Variants in SPATA17 observed in about 807,000 individuals in gnomAD.
SPATA17 encodes spermatogenesis-associated protein 17.
In SPATA17, 53 loss-of-function variants were observed where a neutral mutation model predicts 62.2. The observed-to-expected ratio is 0.85, with a 90% CI of 0.68 to 1.07. The LOEUF is 1.07. Ranked by LOEUF, SPATA17 falls within the 50% of genes least tolerant of loss-of-function variation. The probability of loss-of-function intolerance (pLI) is 0.00; values close to 1 mark genes in which losing one functional copy is unlikely to be tolerated. For missense variants in SPATA17, 466 were observed against 425.5 expected (o/e 1.10, Z -0.84); for synonymous variants, 146 against 146.8 (o/e 0.99, Z 0.04).
chr1:217,820,343 TGGAGAAGAGACAAG>T (rs1674829099), intron 9 of SPATA17, among the ~76,000 whole-genome samples: 3 of 152,048 alleles, frequency 2.0e-5, no homozygotes, highest in Non-Finnish European at 4.4e-5. Context: ...CCAGAATGAA[TGGAGAAGAGACAAG>T]TTTGTGAGCA....
chr1:217,800,815 G>A (rs540654399), intron 8 of SPATA17, among the ~76,000 whole-genome samples: 33 of 151,940 alleles, frequency 2.2e-4, no homozygotes, highest in Non-Finnish European at 4.6e-4. Flanking sequence ...CTTATTTTCT[G>A]TCCTATTTCT....
In SPATA17 at chr1:217,704,196, G is replaced by GT. The variant is rs200460576; in HGVS notation, c.395+20842dup. Among the ~76,000 whole-genome samples the GT allele has an allele frequency of 2.5e-3, 293 of 115,354 alleles. 1 individual carries two copies. The East Asian group carries it at 0.03, about 12-fold the overall frequency. 75.7% of individuals were successfully genotyped at this position (115,354 alleles called of 152,430 possible). A position where few individuals can be genotyped will look rare whatever the true frequency, so the allele number is the denominator to read the frequency against. On this transcript the variant is annotated intron_variant, in intron 5 of 10. Coordinates refer to ENST00000366933, the MANE Select transcript of SPATA17 (RefSeq NM_138796.4). The stretch of plus-strand genomic sequence containing the variant: ...GATAAGTATAGCACCCAACGGGTAG[G>GT]TTTTTTTATCCTAACTCTCCTCCTT...
At chr1:217,686,205 A>T (rs1200752262) in intron 5 of SPATA17, among the ~76,000 whole-genome samples, 1 of 151,998 alleles carries the variant, frequency 6.6e-6, no homozygotes, top group African/African-American at 2.4e-5. Context: ...TGATATGGGG[A>T]TTACTAGTCT....
chr1:217,640,162 T>C (rs138009099), intron 1 of SPATA17, among the ~76,000 whole-genome samples: 77 of 151,888 alleles, frequency 5.1e-4, no homozygotes, highest in African/African-American at 1.5e-3. Context: ...TTGTGTGAGA[T>C]AGAGGCCTAA....
rs533188483 is a variant in SPATA17 at position 217,865,790 on chromosome 1, A to G, written c.*3-1232A>G. Among the ~76,000 whole-genome samples, 4 of 152,308 alleles carry G rather than the reference A, an allele frequency of 2.6e-5. No homozygotes were observed. The South Asian group carries it at 6.2e-4, about 24-fold the overall frequency. On this transcript the variant is annotated intron_variant, in intron 10 of 10. Coordinates refer to ENST00000366933, the MANE Select transcript of SPATA17 (RefSeq NM_138796.4). ...ATCAGTGTGAGTTTTCATGCATTAC[A>G]GGCTTCCCAACTTCCTCCAGTTTGT... is the stretch of plus-strand genomic sequence containing the variant.
chr1:217,842,957 T>C (rs547807228), intron 9 of SPATA17, among the ~76,000 whole-genome samples: 1 of 152,264 alleles, frequency 6.6e-6, no homozygotes, highest in African/African-American at 2.4e-5. Flanking sequence ...TGTTTTCTTT[T>C]TTTTTTCTAT....
intron 6 of SPATA17, among the ~76,000 whole-genome samples, chr1:217,751,682 A>T (rs1234363136): frequency 1.3e-5 from 2 of 152,174 alleles, no homozygotes; most frequent in Admixed American, 1.3e-4. Flanking sequence ...GGTTTTAAAA[A>T]AATCTTGTTG....
chr1:217,722,302 A>G (rs1451881333), intron 5 of SPATA17, among the ~76,000 whole-genome samples: 1 of 152,180 alleles, frequency 6.6e-6, no homozygotes, highest in African/African-American at 2.4e-5. Context: ...TTGCATGTTG[A>G]AGTAGTAATA....
At chr1:217,819,511 C>T (rs1415939905) in intron 9 of SPATA17, among the ~76,000 whole-genome samples, 1 of 151,980 alleles carries the variant, frequency 6.6e-6, no homozygotes, top group Non-Finnish European at 1.5e-5. Context: ...AGTCACAGGC[C>T]TGTGTTTAGC....
chr1:217,683,195 T>G, intron 4 of SPATA17, 63 bp from the exon 5 acceptor site: 4 of 1,122,814 alleles, frequency 3.6e-6, no homozygotes, highest in Admixed American at 2.3e-5. Context: ...AATTTTGAAG[T>G]GCTATTACAT....
chr1:217,779,251 TTATATATG>T (rs1673673800), intron 7 of SPATA17, among the ~76,000 whole-genome samples: 1 of 151,330 alleles, frequency 6.6e-6, no homozygotes, highest in African/African-American at 2.4e-5. Context: ...AAATATGTAT[TTATATATG>T]TATATATGTA....
chr1:217,663,276 C>G (rs541700116), intron 3 of SPATA17, among the ~76,000 whole-genome samples: 1 of 152,140 alleles, frequency 6.6e-6, no homozygotes, highest in Admixed American at 6.5e-5. Context: ...GAAACCCTGT[C>G]TCTATTAAAA....
chr1:217,735,789 T>C (rs1057120579), intron 5 of SPATA17, among the ~76,000 whole-genome samples: 1 of 152,098 alleles, frequency 6.6e-6, no homozygotes, highest in African/African-American at 2.4e-5. Flanking sequence ...CTGTTTTTAG[T>C]ATTATAGTTT....
chr1:217,683,291 A>T lies in SPATA17; in HGVS notation c.325A>T (p.Lys109Ter). ...QRRWRGYRVR[K>*]YLFNYYYLKE... is the part of the protein sequence containing the mutation. ...ACGATGGCGAGGCTATAGGGTTCGGAAGTACCTCTTTAATTATTATTATTT... is the reference window on the plus strand; with the variant it reads ...ACGATGGCGAGGCTATAGGGTTCGGTAGTACCTCTTTAATTATTATTATTT... The change falls in exon 5 of 11, where the codon AAG (lysine) becomes TAG (stop). Residue 109 changes from lysine to a stop codon, truncating the protein, a stop_gained. Coordinates refer to ENST00000366933, the MANE Select transcript of SPATA17 (RefSeq NM_138796.4). LOFTEE classifies it high-confidence loss of function. 1 of 1,610,554 alleles carries T rather than the reference A, an allele frequency of 6.2e-7. No individual in the cohort carries two copies. The highest frequency in any genetic ancestry group is 8.5e-7 in the Non-Finnish European group (1 of 1,178,290).
chr1:217,677,617 G>A (rs1478870214), intron 4 of SPATA17, among the ~76,000 whole-genome samples: 1 of 151,950 alleles, frequency 6.6e-6, no homozygotes, highest in Non-Finnish European at 1.5e-5. Context: ...GAAAAGAAGG[G>A]GCCATCTGGA....
At position 217,653,548 on chromosome 1, in the gene SPATA17, G is replaced by A. The variant is rs535928361; in HGVS notation, c.240+2370G>A. On this transcript the variant is annotated intron_variant, in intron 3 of 10. Coordinates refer to ENST00000366933, the MANE Select transcript of SPATA17 (RefSeq NM_138796.4). ...ATATATACTCTTCTATATTGTTGAA[G>A]AGTTACATCTTCATGATCTTCATAA... Among the ~76,000 whole-genome samples, 9 of 152,032 alleles carry A rather than the reference G, an allele frequency of 5.9e-5. No homozygotes were observed. In the South Asian group the frequency reaches 1.9e-3, roughly 32 times the overall value.
chr1:217,641,409 G>GA (rs922652461), intron 1 of SPATA17, among the ~76,000 whole-genome samples: 12 of 151,234 alleles, frequency 7.9e-5, no homozygotes, highest in South Asian at 4.2e-4. Context: ...AATCAGGAGG[G>GA]AAAAAAAATC....
At chr1:217,647,183 T>C (rs1388363468) in intron 1 of SPATA17, among the ~76,000 whole-genome samples, 1 of 152,244 alleles carries the variant, frequency 6.6e-6, no homozygotes, top group African/African-American at 2.4e-5. Flanking sequence ...CTTCTATTTC[T>C]CTCAACAGCT....
rs183221143 is a variant in SPATA17, at chr1:217,702,541, G to C, written c.395+19180G>C. Among the ~76,000 whole-genome samples the C allele has an allele frequency of 3.4e-4, 52 of 152,162 alleles. No homozygotes were observed. In the East Asian group the frequency reaches 4.4e-3, roughly 13 times the overall value. ...CCCTCTATGTATCTCATTTTTTAAT[G>C]GAAGAAAATTACTTTGGTTTTTACT... is the stretch of plus-strand genomic sequence containing the variant. On this transcript the variant is annotated intron_variant, in intron 5 of 10. Coordinates refer to ENST00000366933, the MANE Select transcript of SPATA17 (RefSeq NM_138796.4).
Sources: gnomAD v4.1 joint callset for allele counts (sites outside exome capture counted in the v4.1 genomes callset) on GRCh38, gnomAD v4.1.1 for gene constraint, MANE v1.5 for transcripts, NCBI Gene and HGNC (gene_info 2026-07-23, HGNC 2026-07-21) for gene names.